Variants in SLIT3 observed in about 807,000 individuals in gnomAD.
SLIT3 encodes slit homolog 3 protein.
SLIT3 carries 68 observed loss-of-function variants against 184.0 expected under a neutral mutation model. The observed-to-expected ratio is 0.37, with a 90% CI of 0.30 to 0.45. The LOEUF (loss-of-function observed/expected upper bound fraction) is 0.45, where lower values mean the gene tolerates loss of function less well. SLIT3 is among the 20% of genes least tolerant of loss of function. SLIT3 has a pLI of 1.00. For missense variants in SLIT3, 1,707 were observed against 2,026.0 expected, an observed-to-expected ratio of 0.84 and a Z score of 3.02; for synonymous variants, 831 against 828.6, an observed-to-expected ratio of 1.00 and a Z score of -0.05.
intron 4 of SLIT3, among the ~76,000 whole-genome samples, chr5:168,945,493 C>A (rs1762445501): frequency 6.6e-6 from 1 of 152,208 alleles, no homozygotes; most frequent in Admixed American, 6.5e-5. Context: ...ACCTCAGCCT[C>A]CCAAAGTGCC....
intron 5 of SLIT3, among the ~76,000 whole-genome samples, chr5:168,850,073 A>AT (rs947408178): frequency 6.6e-6 from 1 of 152,234 alleles, no homozygotes; most frequent in African/African-American, 2.4e-5. Flanking sequence ...TTTGAAAAAA[A>AT]TAAAGCTCAA....
At chr5:168,966,977 A>G (rs1763216148) in intron 4 of SLIT3, among the ~76,000 whole-genome samples, 1 of 152,168 alleles carries the variant, frequency 6.6e-6, no homozygotes, top group Admixed American at 6.5e-5. Flanking sequence ...TAATATGACA[A>G]AGCCCCCCAA....
chr5:168,921,031 G>T (rs1761619826), intron 4 of SLIT3, among the ~76,000 whole-genome samples: 1 of 152,138 alleles, frequency 6.6e-6, no homozygotes, highest in Non-Finnish European at 1.5e-5. Context: ...TGGCTCTGGA[G>T]TCAGATTGCT....
At chr5:169,298,680 G>C (rs573242488) in intron 1 of SLIT3, among the ~76,000 whole-genome samples, 2 of 152,166 alleles carry the variant, frequency 1.3e-5, no homozygotes, top group African/African-American at 2.4e-5. Flanking sequence ...ACTGACCCTT[G>C]TTCCAAGGAT....
chr5:169,299,752 C>T (rs1767624267), intron 1 of SLIT3, among the ~76,000 whole-genome samples: 1 of 152,214 alleles, frequency 6.6e-6, no homozygotes, highest in African/African-American at 2.4e-5. Context: ...ATTCTCCAAG[C>T]GCCTCTCCAT....
chr5:168,779,956 G>T (rs888784729), intron 12 of SLIT3, among the ~76,000 whole-genome samples: 1 of 152,234 alleles, frequency 6.6e-6, no homozygotes, highest in Non-Finnish European at 1.5e-5. Flanking sequence ...GAGCCCCACT[G>T]TTAGCTACTG....
intron 19 of SLIT3, among the ~76,000 whole-genome samples, chr5:168,749,265 A>T (rs375072888): frequency 6.6e-6 from 1 of 152,204 alleles, no homozygotes. Flanking sequence ...ATGGAAGTAA[A>T]ATGACTGCTG....
At chr5:168,925,556 G>A (rs1181016855) in intron 4 of SLIT3, among the ~76,000 whole-genome samples, 2 of 152,054 alleles carry the variant, frequency 1.3e-5, no homozygotes, top group African/African-American at 4.8e-5. Flanking sequence ...ATGCAGAGGA[G>A]TCTGGGGACT....
At chr5:169,078,607 C>T (rs1758840780) in intron 4 of SLIT3, among the ~76,000 whole-genome samples, 1 of 152,184 alleles carries the variant, frequency 6.6e-6, no homozygotes, top group African/African-American at 2.4e-5. Context: ...TATCACCTTC[C>T]TTTCTTTACC....
intron 4 of SLIT3, among the ~76,000 whole-genome samples, chr5:169,122,754 T>G (rs1031813544): frequency 2.0e-5 from 3 of 152,214 alleles, no homozygotes; most frequent in Non-Finnish European, 4.4e-5. Flanking sequence ...CATTGGTCAA[T>G]GTCTATGACC....
At chr5:168,834,321 ATTG>A (rs1329548571) in intron 6 of SLIT3, among the ~76,000 whole-genome samples, 11 of 152,096 alleles carry the variant, frequency 7.2e-5, no homozygotes, top group African/African-American at 2.4e-4. Flanking sequence ...TTGGTGGGCC[ATTG>A]TTGTAAGGAT....
chr5:169,221,695 CCT>C (rs1440267500), intron 3 of SLIT3, among the ~76,000 whole-genome samples: 1 of 152,154 alleles, frequency 6.6e-6, no homozygotes, highest in Admixed American at 6.5e-5. Context: ...CTCCGTTCCT[CCT>C]CTGACTCCCC....
intron 4 of SLIT3, chr5:169,036,117 C>T (rs940057043): frequency 2.0e-5 from 3 of 152,156 alleles, no homozygotes; most frequent in Admixed American, 6.5e-5. Flanking sequence ...AAAATAAACC[C>T]ATCTGCTTTG....
At chr5:168,895,165 G>A (rs1760618729) in intron 4 of SLIT3, among the ~76,000 whole-genome samples, 2 of 152,216 alleles carry the variant, frequency 1.3e-5, no homozygotes, top group African/African-American at 2.4e-5. Flanking sequence ...AACCTTAAAT[G>A]TTCAGCTTGA....
intron 4 of SLIT3, among the ~76,000 whole-genome samples, chr5:169,181,083 C>A (rs1276229745): frequency 1.3e-5 from 2 of 152,184 alleles, no homozygotes; most frequent in Non-Finnish European, 2.9e-5. Flanking sequence ...AATTATGAGC[C>A]AAGAAGTCAA....
At chr5:168,709,782 T>G (rs1762493185) in intron 25 of SLIT3, among the ~76,000 whole-genome samples, 2 of 152,016 alleles carry the variant, frequency 1.3e-5, no homozygotes, top group Non-Finnish European at 2.9e-5. Flanking sequence ...AAAGTACGTT[T>G]TTGATGAAAA....
intron 4 of SLIT3, among the ~76,000 whole-genome samples, chr5:168,936,260 G>C (rs1490304765): frequency 6.6e-6 from 1 of 152,164 alleles, no homozygotes; most frequent in Non-Finnish European, 1.5e-5. Flanking sequence ...TTTTGAGGCA[G>C]AGTCTCTCTC....
chr5:168,985,783 C>A (rs1288363942), intron 4 of SLIT3, among the ~76,000 whole-genome samples: 1 of 152,060 alleles, frequency 6.6e-6, no homozygotes, highest in Non-Finnish European at 1.5e-5. Context: ...GAGAGGGCTC[C>A]TCTCTGCAAA....
chr5:168,736,739 A>AGTGCCTGGGCTTGCCTCCTCCCTGC (rs1561901574), intron 20 of SLIT3, among the ~76,000 whole-genome samples: 32 of 151,722 alleles, frequency 2.1e-4, no homozygotes, highest in African/African-American at 7.0e-4. Flanking sequence ...TGCAATGCAG[A>AGTGCCTGGGCTTGCCTCCTCCCTGC]TGTCAGTTTT....
Sources: gnomAD v4.1 joint callset for allele counts (sites outside exome capture counted in the v4.1 genomes callset) on GRCh38, gnomAD v4.1.1 for gene constraint, MANE v1.5 for transcripts, NCBI Gene and HGNC (gene_info 2026-07-23, HGNC 2026-07-21) for gene names.